EPHA6: variants seen among roughly 807,000 people sequenced by gnomAD.
The protein encoded by EPHA6 is EPH receptor A6, also known as ephrin type-A receptor 6.
A neutral mutation model predicts 112.0 loss-of-function variants in EPHA6; 50 were observed. That is an observed-to-expected ratio of 0.45 (90% confidence interval 0.36 to 0.56). The LOEUF is 0.56. EPHA6 is among the 20% of genes least tolerant of loss of function. The probability of loss-of-function intolerance (pLI) is 0.00; values close to 1 mark genes in which losing one functional copy is unlikely to be tolerated. For synonymous variants in EPHA6, 529 were observed against 490.7 expected (o/e 1.08, Z -1.03); for missense variants, 1,280 against 1,417.4 (o/e 0.90, Z 1.56).
At chr3:96,997,521 C>G (rs2043466832) in intron 3 of EPHA6, among the ~76,000 whole-genome samples, 1 of 151,728 alleles carries the variant, frequency 6.6e-6, no homozygotes, top group Non-Finnish European at 1.5e-5. Flanking sequence ...CTCAGAGACC[C>G]AAGGAGACAG....
intron 5 of EPHA6, among the ~76,000 whole-genome samples, chr3:97,375,199 G>A (rs540434013): frequency 1.3e-5 from 2 of 151,960 alleles, no homozygotes; most frequent in East Asian, 1.9e-4. Context: ...TATTACAAAG[G>A]GCTTTCTTTC....
At chr3:97,137,201 G>C (rs2075787987) in intron 3 of EPHA6, among the ~76,000 whole-genome samples, 1 of 152,130 alleles carries the variant, frequency 6.6e-6, no homozygotes, top group South Asian at 2.1e-4. Flanking sequence ...TATTTGGATG[G>C]CTGCAATTTG....
intron 3 of EPHA6, among the ~76,000 whole-genome samples, chr3:97,068,842 A>C (rs1249809296): frequency 2.6e-5 from 4 of 152,152 alleles, no homozygotes; most frequent in African/African-American, 9.7e-5. Context: ...TCCAGTCCAC[A>C]ACCTGGAAAA....
intron 6 of EPHA6, among the ~76,000 whole-genome samples, chr3:97,421,015 G>A (rs1164418669): frequency 6.6e-6 from 1 of 151,664 alleles, no homozygotes. Flanking sequence ...TCTATTCTTG[G>A]GTATTATTCT....
intron 3 of EPHA6, among the ~76,000 whole-genome samples, chr3:96,996,094 A>T (rs907677816): frequency 6.6e-6 from 1 of 152,162 alleles, no homozygotes; most frequent in Admixed American, 6.6e-5. Flanking sequence ...TCATTTCAGC[A>T]ATATTCACAG....
At chr3:96,887,710 G>T (rs1334576497) in intron 2 of EPHA6, among the ~76,000 whole-genome samples, 1 of 152,140 alleles carries the variant, frequency 6.6e-6, no homozygotes, top group East Asian at 1.9e-4. Context: ...AGGACCATCA[G>T]GTCAGGGCGG....
chr3:97,583,356 G>A (rs1480383899), intron 11 of EPHA6, among the ~76,000 whole-genome samples: 1 of 151,814 alleles, frequency 6.6e-6, no homozygotes, highest in East Asian at 1.9e-4. Flanking sequence ...TGGCTAACAC[G>A]GTGAAACCCC....
At chr3:97,036,227 T>C (rs1289654446) in intron 3 of EPHA6, among the ~76,000 whole-genome samples, 2 of 152,054 alleles carry the variant, frequency 1.3e-5, no homozygotes, top group African/African-American at 4.8e-5. Flanking sequence ...AAATAAAGTG[T>C]GAATTATGTC....
rs559043198 is a variant in EPHA6 at position 97,615,268 on chromosome 3, C to T, written c.2574+4414C>T. ...GTCAGGAGATGCCCTTGCGAACCCA[C>T]TCCACCAGGGTTTTCAGTCTGACAC... On this transcript the variant is annotated intron_variant, in intron 13 of 17. Transcript: ENST00000389672. Among the ~76,000 whole-genome samples the T allele has an allele frequency of 3.9e-5, 6 of 152,270 alleles. No individual in the cohort carries two copies. In the South Asian group the frequency reaches 1.2e-3, roughly 32 times the overall value.
intron 3 of EPHA6, among the ~76,000 whole-genome samples, chr3:97,146,724 CTTT>C (rs1011832876): frequency 1.3e-5 from 2 of 151,912 alleles, no homozygotes; most frequent in African/African-American, 4.8e-5. Context: ...GAAAACTCTT[CTTT>C]ATCTTTAGTT....
In EPHA6 at chr3:97,620,465, T is replaced by A. The variant is rs570588454; in HGVS notation, c.2574+9611T>A. ...TTCCACATAGCAAAAGAAACTATTA[T>A]CAGAGTAAATGGACAACCTACAGAA... On this transcript the variant is annotated intron_variant, in intron 13 of 17. Transcript: ENST00000389672. Among the ~76,000 whole-genome samples the A allele has an allele frequency of 3.9e-5, 6 of 152,100 alleles. No homozygotes were observed. The East Asian group carries it at 7.7e-4, about 20-fold the overall frequency.
intron 2 of EPHA6, among the ~76,000 whole-genome samples, chr3:96,918,149 A>G (rs1433876618): frequency 6.6e-6 from 1 of 152,160 alleles, no homozygotes; most frequent in African/African-American, 2.4e-5. Context: ...TTTTCCTTGC[A>G]TAGAGATTGG....
At chr3:96,948,025 C>G (rs534632815) in intron 2 of EPHA6, among the ~76,000 whole-genome samples, 1 of 152,040 alleles carries the variant, frequency 6.6e-6, no homozygotes, top group Non-Finnish European at 1.5e-5. Context: ...TAGCTCATTT[C>G]TTTTTAGTAC....
chr3:97,284,439 G>A (rs1047388003), intron 5 of EPHA6, among the ~76,000 whole-genome samples: 2 of 152,096 alleles, frequency 1.3e-5, no homozygotes, highest in African/African-American at 4.8e-5. Context: ...TTCCTTTAAA[G>A]CTTCACACTT....
At chr3:97,737,644 C>T (rs2035324193) in intron 16 of EPHA6, among the ~76,000 whole-genome samples, 1 of 151,952 alleles carries the variant, frequency 6.6e-6, no homozygotes, top group Admixed American at 6.6e-5. Context: ...ACCATTTGAA[C>T]ATGCTGAGTT....
At chr3:96,976,699 A>G (rs2042536970) in intron 2 of EPHA6, among the ~76,000 whole-genome samples, 1 of 152,032 alleles carries the variant, frequency 6.6e-6, no homozygotes, top group Non-Finnish European at 1.5e-5. Context: ...TTGCCCGTTC[A>G]CTCCTCTGGC....
intron 11 of EPHA6, among the ~76,000 whole-genome samples, chr3:97,553,914 C>T (rs2093065651): frequency 1.3e-5 from 2 of 152,090 alleles, no homozygotes; most frequent in African/African-American, 4.8e-5. Context: ...GGTTTTGATA[C>T]TTATAACTAT....
At chr3:97,103,655 T>C (rs931467003) in intron 3 of EPHA6, among the ~76,000 whole-genome samples, 27 of 152,158 alleles carry the variant, frequency 1.8e-4, no homozygotes, top group African/African-American at 6.5e-4. Context: ...ATTAAAATAG[T>C]TTTGTTGTTG....
chr3:97,470,624 A>T (rs2091200752), intron 7 of EPHA6, among the ~76,000 whole-genome samples: 2 of 151,566 alleles, frequency 1.3e-5, no homozygotes, highest in African/African-American at 4.8e-5. Context: ...TAAAGATATG[A>T]AATCTCTTTT....
Sources: allele counts gnomAD v4.1 joint callset (sites outside exome capture counted in the v4.1 genomes callset), GRCh38; gene constraint gnomAD v4.1.1; transcripts MANE v1.5; gene names NCBI Gene and HGNC (gene_info 2026-07-23, HGNC 2026-07-21).